Variants in UCKL1 observed in about 807,000 individuals in gnomAD.
The protein encoded by UCKL1 is uridine-cytidine kinase-like 1.
A neutral mutation model predicts 59.2 loss-of-function variants in UCKL1; 65 were observed. That is an observed-to-expected ratio of 1.10 (90% CI 0.90 to 1.35). UCKL1 has a LOEUF of 1.35. UCKL1 is among the 40% of genes most tolerant of loss of function. The pLI is 0.00. For missense variants in UCKL1, 703 were observed against 784.3 expected, an observed-to-expected ratio of 0.90 and a Z score of 1.24; for synonymous variants, 410 against 323.1, an observed-to-expected ratio of 1.27 and a Z score of -2.88.
At chr20:63,951,441 A>G (rs2057574744) in intron 1 of UCKL1, among the ~76,000 whole-genome samples, 1 of 152,170 alleles carries the variant, frequency 6.6e-6, no homozygotes, top group Non-Finnish European at 1.5e-5. Flanking sequence ...CAGCAGGACA[A>G]GGATATCTGA....
chr20:63,947,451 C>G (rs1274293031), intron 1 of UCKL1, among the ~76,000 whole-genome samples: 1 of 152,182 alleles, frequency 6.6e-6, no homozygotes, highest in Non-Finnish European at 1.5e-5. Flanking sequence ...GGAGGCGAGA[C>G]CAGACCAGGT....
chr20:63,947,917 AG>A (rs1174354347), intron 1 of UCKL1, among the ~76,000 whole-genome samples: 1 of 152,042 alleles, frequency 6.6e-6, no homozygotes, highest in Non-Finnish European at 1.5e-5. Flanking sequence ...TCAAGTGGGC[AG>A]GGGGCCGTGA....
At chr20:63,942,758 C>G (rs757581393) in intron 8 of UCKL1, 1 of 466,508 alleles carries the variant, frequency 2.1e-6, no homozygotes, top group African/African-American at 2.0e-5. Flanking sequence ...ATGTGTCTGG[C>G]TGCGTTCAGG....
rs752205103 is a variant in UCKL1, at chr20:63,944,471, G to A, written c.845-13C>T. On this transcript the variant is annotated splice_polypyrimidine_tract_variant and intron_variant, in intron 6 of 14. Coordinates refer to ENST00000354216, the MANE Select transcript of UCKL1 (RefSeq NM_017859.4). ...GTGTTGCCGCTCCCTGGGGCGGGAT[G>A]GGGGGGCGGGTGACCGGGGGCTGGG... 8 of 1,573,510 alleles carry A rather than the reference G, an allele frequency of 5.1e-6. No homozygotes were observed. The East Asian group carries it at 7.0e-5, about 14-fold the overall frequency.
intron 1 of UCKL1, 47 bp downstream of exon 1, chr20:63,956,213 A>G (rs982384959): frequency 3.0e-5 from 43 of 1,454,422 alleles, no homozygotes; most frequent in Non-Finnish European, 3.8e-5. Context: ...CCGGATCTGC[A>G]GCCCCTTCCC....
chr20:63,956,148 T>G, intron 1 of UCKL1, 112 bp downstream of exon 1: 1 of 1,056,478 alleles, frequency 9.5e-7, no homozygotes. Flanking sequence ...CCGCCTGGCC[T>G]CCGGGAGTGG....
chr20:63,944,490 G>T, intron 6 of UCKL1, 32 bp from the exon 7 acceptor site: 1 of 1,581,528 alleles, frequency 6.3e-7, no homozygotes, highest in Non-Finnish European at 8.6e-7. Flanking sequence ...GGTGACCGGG[G>T]GCTGGGCCGT....
chr20:63,943,439 T>C (rs2055222710), intron 8 of UCKL1, among the ~76,000 whole-genome samples: 1 of 152,188 alleles, frequency 6.6e-6, no homozygotes, highest in East Asian at 1.9e-4. Flanking sequence ...GGGTCAGGAC[T>C]CCGTGACGCT....
Position 63,945,827 on chromosome 20 carries a change from G to A in UCKL1, c.560C>T (p.Thr187Met), listed in dbSNP as rs886927240. Residue 187 changes from threonine (T) to methionine (M), a missense_variant, in exon 4 of 15, where the codon ACG becomes ATG. Physicochemically the swap from Thr to Met is moderately conservative, Grantham distance 81. Coordinates refer to ENST00000354216, the MANE Select transcript of UCKL1 (RefSeq NM_017859.4). Reference sequence around the variant, plus strand: ...TACCCAGTCCTTCTTCCGGCTGTGCGTGGTGAAGTCATAAATGGGCACCTT... The same window carrying A: ...TACCCAGTCCTTCTTCCGGCTGTGCATGGTGAAGTCATAAATGGGCACCTT... ...SVKVPIYDFTTHSRKKDWKTL... is the reference protein window; with the variant it reads ...SVKVPIYDFTMHSRKKDWKTL... 16 of 1,613,480 alleles carry A rather than the reference G, an allele frequency of 9.9e-6. No individual in the cohort carries two copies. The highest frequency in any genetic ancestry group is 4.0e-5 in the African/African-American group (3 of 74,890).
intron 1 of UCKL1, chr20:63,950,727 C>A: frequency 6.7e-7 from 1 of 1,494,838 alleles, no homozygotes; most frequent in Admixed American, 2.4e-5. Context: ...AGTGGGTGCC[C>A]CTCACGGCAG....
chr20:63,939,849 T>C lies in UCKL1; in HGVS notation c.*127A>G. 3.4e-6 allele frequency: 3 copies of C among 891,908 alleles called. No homozygotes were observed. The Admixed American group carries it at 8.4e-5, about 25-fold the overall frequency. 55.2% of individuals were successfully genotyped at this position (891,908 alleles called of 1,614,324 possible). On this transcript the variant is annotated 3_prime_UTR_variant, in exon 15 of 15. Transcript: ENST00000354216. ...ACACCTTCATTTTTCTAAAGCTTTATTTATTTTATAAAATGCATAGAATAA... is the reference window on the plus strand; with the variant it reads ...ACACCTTCATTTTTCTAAAGCTTTACTTATTTTATAAAATGCATAGAATAA...
At chr20:63,955,921 T>C (rs543027766) in intron 1 of UCKL1, 3 of 200,110 alleles carry the variant, frequency 1.5e-5, no homozygotes, top group East Asian at 1.2e-4. Context: ...GCCGACAACA[T>C]AGACCAACTC....
In UCKL1 at chr20:63,946,664, G is replaced by A. The variant is rs202127579; in HGVS notation, c.114-21C>T. 1.7e-3 allele frequency: 2,647 copies of A among 1,601,202 alleles called. 5 individuals are homozygous for A. Among genetic ancestry groups the A allele is most frequent in the Non-Finnish European group, 2.0e-3 (2,411 of 1,178,276 alleles). ...TGCTGCTGCAGAGAGGGATGTACTC[G>A]GATGTGGCCCAGAGCTGCCCACCTC... On this transcript the variant is annotated intron_variant, in intron 1 of 14. Transcript: ENST00000354216.
Position 63,940,010 on chromosome 20 carries a change from C to T in UCKL1, c.1613G>A (p.Gly538Asp). The change falls in exon 15 of 15, where the codon GGC (glycine) becomes GAC (aspartate). Residue 538 changes from glycine (G) to aspartate (D), a missense_variant. Transcript: ENST00000354216. ...RYFGTDAVPD[G>D]SDEEEVAYTG ...GTAGGCCACTTCCTCCTCGTCACTG[C>T]CATCGGGGACCGCGTCTGTCCCAAA... The T allele has an allele frequency of 6.2e-7, 1 of 1,611,220 alleles. No homozygotes were observed.
intron 1 of UCKL1, among the ~76,000 whole-genome samples, chr20:63,951,431 C>A (rs1264489535): frequency 2.0e-5 from 3 of 152,156 alleles, no homozygotes; most frequent in African/African-American, 7.2e-5. Flanking sequence ...GAACCCCCCG[C>A]AGCAGGACAA....
intron 5 of UCKL1, 92 bp downstream of exon 5, chr20:63,945,559 C>A: frequency 1.5e-6 from 2 of 1,345,778 alleles, no homozygotes; most frequent in Non-Finnish European, 2.1e-6. Context: ...AGTGTGGAGG[C>A]CTTGGGGACA....
intron 8 of UCKL1, chr20:63,941,692 G>A (rs1423418527): frequency 9.3e-6 from 2 of 215,286 alleles, no homozygotes; most frequent in Admixed American, 5.8e-5. Context: ...GGCAAAGCTG[G>A]CTCAGTGTCT....
Position 63,941,196 on chromosome 20 carries a change from G to T in UCKL1, c.936C>A (p.Ala312=). The change falls in exon 9 of 15, where the codon GCC becomes GCA. Residue 312 remains alanine (A), a synonymous_variant. Coordinates refer to ENST00000354216, the MANE Select transcript of UCKL1 (RefSeq NM_017859.4). ...GCAGCGGGTGGCACTGGTGTGCCGA[G>T]GCCAGCGCAGCCCTGGGGACAAACC... The part of the protein sequence containing the change: ...ERELSVRAAL[A]SAHQCHPLPR... 6.5e-7 allele frequency: 1 copy of T among 1,543,890 alleles called. No homozygotes were observed. The highest frequency in any genetic ancestry group is 8.7e-7 in the Non-Finnish European group (1 of 1,152,138).
intron 1 of UCKL1, among the ~76,000 whole-genome samples, chr20:63,947,280 C>T (rs2056495342): frequency 6.6e-6 from 1 of 152,198 alleles, no homozygotes; most frequent in Non-Finnish European, 1.5e-5. Context: ...CTGGCTGGGC[C>T]AGGCTCTGTC....
Sources: allele counts gnomAD v4.1 joint callset (sites outside exome capture counted in the v4.1 genomes callset), GRCh38; gene constraint gnomAD v4.1.1; transcripts MANE v1.5; gene names NCBI Gene and HGNC (gene_info 2026-07-23, HGNC 2026-07-21).